The following HSD11B1 variants were observed in gnomAD, a reference collection of about 807,000 sequenced individuals.
HSD11B1 encodes the protein hydroxysteroid 11-beta dehydrogenase 1, also known as 11-beta-hydroxysteroid dehydrogenase 1.
HSD11B1 carries 15 observed loss-of-function variants against 22.1 expected under a neutral mutation model. The ratio of observed to expected loss-of-function variants is 0.68; its 90% confidence interval spans 0.45 to 1.04. The LOEUF (loss-of-function observed/expected upper bound fraction) is 1.04, where lower values mean the gene tolerates loss of function less well. Among genes scored for constraint, HSD11B1 ranks in the 50% least tolerant of loss-of-function variants. The pLI is 0.00. For missense variants in HSD11B1, 281 were observed against 357.6 expected (o/e 0.79, Z 1.73); for synonymous variants, 122 against 125.2 (o/e 0.97, Z 0.17).
At position 209,694,376 on chromosome 1, in the gene HSD11B1, G is replaced by A. The variant is rs149154947; in HGVS notation, c.-49+8091G>A. 3.3e-3 allele frequency among the ~76,000 whole-genome samples: 499 copies of A among 152,336 alleles called. 3 individuals are homozygous for A. Among genetic ancestry groups the A allele is most frequent in the African/African-American group, 0.012 (479 of 41,570 alleles). On this transcript the variant is annotated intron_variant, in intron 1 of 6. Coordinates refer to the HSD11B1 transcript ENST00000261465. Reference sequence around the variant, plus strand: ...CTTCCCAGAACTATCTAATGGGAAAGGCAGACAGTGAATGGCTAGGAGTAA... The same window carrying A: ...CTTCCCAGAACTATCTAATGGGAAAAGCAGACAGTGAATGGCTAGGAGTAA...
rs114680295 is a variant in HSD11B1, at chr1:209,728,781, T to C, written c.518-3655T>C. 8.4e-3 allele frequency among the ~76,000 whole-genome samples: 1,283 copies of C among 152,270 alleles called. 12 individuals carry two copies. Among genetic ancestry groups the C allele is most frequent in the African/African-American group, 0.028 (1,168 of 41,572 alleles). On this transcript the variant is annotated intron_variant, in intron 4 of 5. Transcript: ENST00000367027. The stretch of plus-strand genomic sequence containing the variant: ...AAAATGTGTTGGAAGAAAAAGAGGA[T>C]TGCTACTCTCAGAAACTCTTCCAGA...
At chr1:209,712,878 G>A (rs189391568) in intron 4 of HSD11B1, among the ~76,000 whole-genome samples, 12 of 152,188 alleles carry the variant, frequency 7.9e-5, no homozygotes, top group African/African-American at 1.4e-4. Context: ...GCAAAAGCCC[G>A]TCTCTACCAA....
At position 209,734,717 on chromosome 1, in the gene HSD11B1, G is replaced by A. The variant is rs189137060; in HGVS notation, c.*196G>A. 27 of 544,268 alleles carry A rather than the reference G, an allele frequency of 5.0e-5. No homozygotes were observed. The highest frequency in any genetic ancestry group is 1.3e-4 in the African/African-American group (7 of 53,038). The allele number at this position is 544,268 out of a possible 1,614,324, so 33.7% of individuals were successfully genotyped here. On this transcript the variant is annotated 3_prime_UTR_variant, in exon 6 of 6. Coordinates refer to ENST00000367027, the MANE Select transcript of HSD11B1 (RefSeq NM_005525.4). Reference sequence around the variant, plus strand: ...GTAATAATAATGAATGTCATGCACCGCTGCAGCCAGCAGTTGTAAAATTGT... The same window carrying A: ...GTAATAATAATGAATGTCATGCACCACTGCAGCCAGCAGTTGTAAAATTGT...
rs527411320 is a variant in HSD11B1 at position 209,704,913 on chromosome 1, A to G, written c.-30A>G. On this transcript the variant is annotated 5_prime_UTR_variant, in exon 1 of 6. Transcript: ENST00000367027. ...TCTGTAGGTTCTCTCTGTGTGTCCT[A>G]CAGGAGTCTTCAGGCCAGCTCCCTG... 302 of 1,557,752 alleles carry G rather than the reference A, an allele frequency of 1.9e-4. 4 individuals are homozygous for G. In the South Asian group the frequency reaches 3.2e-3, roughly 17 times the overall value.
intron 4 of HSD11B1, among the ~76,000 whole-genome samples, chr1:209,720,457 T>C (rs1334105098): frequency 6.6e-6 from 1 of 151,860 alleles, no homozygotes; most frequent in African/African-American, 2.4e-5. Context: ...ATTTGTAGCC[T>C]TTCCATGTAA....
chr1:209,715,054 C>T (rs570244576), intron 4 of HSD11B1, among the ~76,000 whole-genome samples: 17 of 152,294 alleles, frequency 1.1e-4, no homozygotes, highest in Non-Finnish European at 2.1e-4. Flanking sequence ...ACCAGGCATT[C>T]ATGTAGCCTG....
At chr1:209,700,821 C>G (rs895694081), upstream of HSD11B1, among the ~76,000 whole-genome samples, 15 of 152,346 alleles carry the variant, frequency 9.8e-5, no homozygotes, top group African/African-American at 3.1e-4. Flanking sequence ...AAACCTCTCT[C>G]AAGTTCAAAG....
intron 5 of HSD11B1, 139 bp from the exon 6 acceptor site, chr1:209,734,165 A>T (rs2077052838): frequency 1.4e-6 from 1 of 695,760 alleles, no homozygotes; most frequent in African/African-American, 1.8e-5. Context: ...CTCTCCATGT[A>T]TTCCCTATAG....
rs76597132 is a variant in HSD11B1 at position 209,727,012 on chromosome 1, G to A, written c.518-5424G>A. 1.5e-3 allele frequency among the ~76,000 whole-genome samples: 228 copies of A among 152,252 alleles called. 3 individuals are homozygous for A. The highest frequency in any genetic ancestry group is 0.012 in the East Asian group (63 of 5,184). ...ATATATCCACCTAGATCCTGTGAACGTGACCTTAAGTGGACACATAGAAAG... is the reference window on the plus strand; with the variant it reads ...ATATATCCACCTAGATCCTGTGAACATGACCTTAAGTGGACACATAGAAAG... On this transcript the variant is annotated intron_variant, in intron 4 of 5. Coordinates refer to ENST00000367027, the MANE Select transcript of HSD11B1 (RefSeq NM_005525.4).
chr1:209,690,056 C>G (rs1195569399), intron 1 of HSD11B1, among the ~76,000 whole-genome samples: 1 of 152,164 alleles, frequency 6.6e-6, no homozygotes, highest in Admixed American at 6.5e-5. Flanking sequence ...TGTCTCATGC[C>G]TATAATCCCA....
intron 1 of HSD11B1, among the ~76,000 whole-genome samples, chr1:209,695,677 G>A (rs1285954659): frequency 6.6e-6 from 1 of 152,054 alleles, no homozygotes; most frequent in Non-Finnish European, 1.5e-5. Context: ...GTGTGGTGGT[G>A]CACCCTGTAG....
At chr1:209,713,439 T>C (rs1381210914) in intron 4 of HSD11B1, among the ~76,000 whole-genome samples, 1 of 152,196 alleles carries the variant, frequency 6.6e-6, no homozygotes, top group East Asian at 1.9e-4. Flanking sequence ...TTTCAATAAG[T>C]TGTTGGGTGT....
chr1:209,698,382 TCCTTCTAATGCTGACATCCCTGGAA>T (rs2076806157), intron 1 of HSD11B1, among the ~76,000 whole-genome samples: 1 of 152,204 alleles, frequency 6.6e-6, no homozygotes, highest in Admixed American at 6.5e-5. Context: ...GCAAGTGACT[TCCTTCTAATGCTGACATCCCTGGAA>T]CCTTGAGATG....
At position 209,706,097 on chromosome 1, in the gene HSD11B1, T is replaced by C. The variant is rs1419351273; in HGVS notation, c.219+156T>C. 1.3e-5 allele frequency among the ~76,000 whole-genome samples: 2 copies of C among 152,136 alleles called. No individual in the cohort carries two copies. Among genetic ancestry groups the C allele is most frequent in the East Asian group, 1.9e-4 (1 of 5,198 alleles). Reference sequence around the variant, plus strand: ...TTAATTTTGCACTCTCATATATAGATTCAAACACCAAAAAACCCACAGGAA... The same window carrying C: ...TTAATTTTGCACTCTCATATATAGACTCAAACACCAAAAAACCCACAGGAA... On this transcript the variant is annotated intron_variant, in intron 2 of 5. Transcript: ENST00000367027. The surrounding 1 kb of genome is among the most constrained non-coding windows in gnomAD (Gnocchi z 4.0).
chr1:209,706,641 T>G lies in HSD11B1; in HGVS notation c.220-68T>G. ...AGCAATCTCTCATTTAAGCCCCCCG[T>G]TACTTCAGAGACTACCCCCCAAAAA... On this transcript the variant is annotated intron_variant, in intron 2 of 5. Transcript: ENST00000367027. This position sits in a 1 kb window ranked among gnomAD's most constrained non-coding sequence, Gnocchi z 4.0. 8.1e-6 allele frequency: 8 copies of G among 986,064 alleles called. No individual in the cohort carries two copies. Among genetic ancestry groups the G allele is most frequent in the Non-Finnish European group, 1.3e-5 (8 of 610,076 alleles). The allele number at this position is 986,064 out of a possible 1,614,324, so 61.1% of individuals were successfully genotyped here.
chr1:209,712,460 G>A (rs567627530), intron 4 of HSD11B1, among the ~76,000 whole-genome samples: 71 of 152,212 alleles, frequency 4.7e-4, no homozygotes, highest in Admixed American at 9.8e-4. Context: ...CACCAAATTA[G>A]GTATTATAAG....
In HSD11B1 at chr1:209,686,415, C is replaced by T. The variant is rs2076729104; in HGVS notation, c.-49+130C>T. The T allele has an allele frequency of 1.3e-5, 2 of 151,870 alleles. 1 individual carries two copies. Among genetic ancestry groups the T allele is most frequent in the Admixed American group, 1.3e-4 (2 of 15,258 alleles). The allele number at this position is 151,870 out of a possible 1,614,324, so 9.4% of individuals were successfully genotyped here. On this transcript the variant is annotated intron_variant, in intron 1 of 6. Coordinates refer to the HSD11B1 transcript ENST00000261465. ...TATCGAAATGAACAGGAGGGCTGGG[C>T]TAAAGAAAAATTTCAATGTGAAATG...
intron 1 of HSD11B1, 75 bp from the exon 2 acceptor site, chr1:209,705,736 C>T (rs565774724): frequency 1.2e-5 from 19 of 1,579,526 alleles, no homozygotes; most frequent in Admixed American, 8.4e-5. Context: ...GATAAGCATG[C>T]CTATATCCAG....
rs1477691522 is a variant in HSD11B1, at chr1:209,705,041, A to C, written c.88+11A>C. ...AGGAATTCAGACCAGGTAAGTACCCATGCGTCTCATTTTGGAGGAATAGGT... is the reference window on the plus strand; with the variant it reads ...AGGAATTCAGACCAGGTAAGTACCCCTGCGTCTCATTTTGGAGGAATAGGT... On this transcript the variant is annotated intron_variant, in intron 1 of 5. Coordinates refer to ENST00000367027, the MANE Select transcript of HSD11B1 (RefSeq NM_005525.4). 1.9e-6 allele frequency: 3 copies of C among 1,604,036 alleles called. No homozygotes were observed. In the South Asian group the frequency reaches 3.3e-5, roughly 18 times the overall value.
Sources: gnomAD v4.1 joint callset for allele counts (sites outside exome capture counted in the v4.1 genomes callset) on GRCh38, gnomAD v4.1.1 for gene constraint, Gnocchi (gnomAD v3.1) non-coding constraint, MANE v1.5 for transcripts, NCBI Gene and HGNC (gene_info 2026-07-23, HGNC 2026-07-21) for gene names.